Variants in CDK13 observed in about 807,000 individuals in gnomAD.
CDK13 encodes the protein cyclin-dependent kinase 13.
A neutral mutation model predicts 137.6 loss-of-function variants in CDK13; 40 were observed. The observed-to-expected ratio is 0.29, with a 90% CI of 0.23 to 0.38. The LOEUF (loss-of-function observed/expected upper bound fraction) is 0.38. Ranked by LOEUF, CDK13 falls within the 10% of genes least tolerant of loss-of-function variation. CDK13 has a pLI of 1.00. For synonymous variants in CDK13, 869 were observed against 760.1 expected (o/e 1.14, Z -2.36); for missense variants, 1,704 against 1,951.8 (o/e 0.87, Z 2.39).
intron 5 of CDK13, among the ~76,000 whole-genome samples, chr7:40,037,968 A>G (rs975104268): frequency 1.3e-5 from 2 of 152,162 alleles, no homozygotes; most frequent in African/African-American, 4.8e-5. Context: ...CTAAATGTGG[A>G]TATGTTTCCA....
At position 39,997,592 on chromosome 7, in the gene CDK13, G is replaced by A. The variant is rs1202029882; in HGVS notation, c.1970G>A (p.Gly657Glu). ...ADLPLPPELP[G>E]GDDLSKSPEE... ...TTACCGCTGCCCCCTGAGCTACCAG[G>A]AGGAGATGATCTTTCAAAGAGTCCA... is the stretch of plus-strand genomic sequence containing the variant. Residue 657 changes from glycine (G) to glutamate (E), a missense_variant, in exon 3 of 14, where the codon GGA becomes GAA. Physicochemically the swap from Gly to Glu is moderately conservative, Grantham distance 98. Coordinates refer to ENST00000181839, the MANE Select transcript of CDK13 (RefSeq NM_003718.5). 1 of 1,612,754 alleles carries A rather than the reference G, an allele frequency of 6.2e-7. No homozygotes were observed. Among genetic ancestry groups the A allele is most frequent in the Non-Finnish European group, 8.5e-7 (1 of 1,179,618 alleles).
chr7:40,085,688 T>G (rs1472901716), intron 11 of CDK13: 1 of 152,594 alleles, frequency 6.6e-6, no homozygotes, highest in Non-Finnish European at 1.5e-5. Flanking sequence ...TCCCTTTGTT[T>G]GTTACTCCAG....
At chr7:39,973,302 A>C (rs1337904205) in intron 1 of CDK13, among the ~76,000 whole-genome samples, 1 of 152,028 alleles carries the variant, frequency 6.6e-6, no homozygotes, top group Non-Finnish European at 1.5e-5. Flanking sequence ...ACACCTGGCT[A>C]ATTTTTTCGT....
intron 11 of CDK13, among the ~76,000 whole-genome samples, chr7:40,079,741 A>G (rs891968802): frequency 2.0e-5 from 3 of 152,336 alleles, no homozygotes; most frequent in East Asian, 1.9e-4. Context: ...AGTATACAAT[A>G]TAAATTTCTT....
At chr7:39,960,823 C>T (rs1411402808) in intron 1 of CDK13, among the ~76,000 whole-genome samples, 6 of 151,922 alleles carry the variant, frequency 3.9e-5, no homozygotes, top group Non-Finnish European at 1.5e-5. Flanking sequence ...GATCTGCCCA[C>T]CTTGGCCTGT....
At chr7:39,952,126 A>C in intron 1 of CDK13, 1 of 350,374 alleles carries the variant, frequency 2.9e-6, no homozygotes, top group Non-Finnish European at 5.1e-6. Flanking sequence ...GACTTGTTGC[A>C]TTAATGTGTT....
At chr7:40,020,507 G>A (rs1326820998) in intron 5 of CDK13, among the ~76,000 whole-genome samples, 3 of 151,668 alleles carry the variant, frequency 2.0e-5, no homozygotes, top group Non-Finnish European at 4.4e-5. Flanking sequence ...AATGTATTTC[G>A]TTGCCTAAGA....
intron 11 of CDK13, among the ~76,000 whole-genome samples, chr7:40,079,914 G>C (rs140278061): frequency 3.9e-5 from 6 of 152,106 alleles, no homozygotes; most frequent in African/African-American, 7.2e-5. Flanking sequence ...TGGGGAGTAG[G>C]GGGGAAGGAA....
intron 1 of CDK13, chr7:39,985,805 T>A (rs1204745077): frequency 6.6e-6 from 1 of 152,186 alleles, no homozygotes; most frequent in African/African-American, 2.4e-5. Context: ...AAGGCATGTT[T>A]TTACTAGCAG....
At chr7:39,961,229 T>C (rs957862673) in intron 1 of CDK13, among the ~76,000 whole-genome samples, 1 of 152,028 alleles carries the variant, frequency 6.6e-6, no homozygotes, top group East Asian at 1.9e-4. Flanking sequence ...CATGGTGGCG[T>C]GTGCCTGTAG....
intron 11 of CDK13, among the ~76,000 whole-genome samples, chr7:40,083,528 T>A (rs1786717086): frequency 6.6e-6 from 1 of 152,230 alleles, no homozygotes; most frequent in Non-Finnish European, 1.5e-5. Context: ...AGTCCATTTT[T>A]AAAATTGTTT....
chr7:40,006,098 C>G (rs1784791709), intron 5 of CDK13, among the ~76,000 whole-genome samples: 1 of 152,208 alleles, frequency 6.6e-6, no homozygotes, highest in African/African-American at 2.4e-5. Flanking sequence ...CTAACGCTTT[C>G]ATCTGCATAT....
intron 2 of CDK13, among the ~76,000 whole-genome samples, chr7:39,988,779 A>G (rs1784394800): frequency 6.6e-6 from 1 of 152,122 alleles, no homozygotes. Context: ...ATCACATTAT[A>G]TTATAGAAAA....
At chr7:40,051,338 C>T (rs1260524007) in intron 7 of CDK13, among the ~76,000 whole-genome samples, 1 of 150,924 alleles carries the variant, frequency 6.6e-6, no homozygotes, top group African/African-American at 2.4e-5. Context: ...AATGGAATAC[C>T]TTTAAAATAC....
chr7:40,091,955 T>C (rs1294637833), intron 12 of CDK13, among the ~76,000 whole-genome samples: 3 of 152,186 alleles, frequency 2.0e-5, no homozygotes, highest in Non-Finnish European at 2.9e-5. Context: ...CAGATAAGCT[T>C]GCGTGAGGGA....
intron 9 of CDK13, among the ~76,000 whole-genome samples, chr7:40,064,306 T>TG (rs1169191676): frequency 1.5e-4 from 20 of 129,368 alleles, no homozygotes; most frequent in African/African-American, 3.1e-4. Flanking sequence ...AAAAAAAAGG[T>TG]GGGGGGGCTT....
intron 1 of CDK13, among the ~76,000 whole-genome samples, chr7:39,961,783 T>A (rs975035521): frequency 1.3e-5 from 2 of 151,786 alleles, no homozygotes; most frequent in Non-Finnish European, 2.9e-5. Context: ...CTATCCCTCC[T>A]CCCTCCCCCT....
chr7:40,082,790 CAAAAA>C (rs76440638), intron 11 of CDK13, among the ~76,000 whole-genome samples: 1 of 61,138 alleles, frequency 1.6e-5, no homozygotes, highest in Non-Finnish European at 3.6e-5. Flanking sequence ...GACTCTGCCT[CAAAAA>C]AAAAAAAAAA....
intron 7 of CDK13, among the ~76,000 whole-genome samples, chr7:40,050,964 A>T (rs1257015701): frequency 6.6e-6 from 1 of 152,210 alleles, no homozygotes; most frequent in Non-Finnish European, 1.5e-5. Flanking sequence ...GCCAAATTTT[A>T]TATTATGAGG....
Sources: allele counts gnomAD v4.1 joint callset (sites outside exome capture counted in the v4.1 genomes callset), GRCh38; gene constraint gnomAD v4.1.1; transcripts MANE v1.5; gene names NCBI Gene and HGNC (gene_info 2026-07-23, HGNC 2026-07-21).